Variants in C1orf21 observed in about 807,000 individuals in gnomAD.
C1orf21 encodes the protein chromosome 1 open reading frame 21, also known as uncharacterized protein C1orf21.
In C1orf21, 3 loss-of-function variants were observed where a neutral mutation model predicts 18.7. The observed-to-expected ratio is 0.16, with a 90% CI of 0.07 to 0.42. The LOEUF is 0.42. C1orf21 is among the 10% of genes least tolerant of loss of function. C1orf21 has a pLI of 0.99. For synonymous variants in C1orf21, 41 were observed against 46.4 expected, an observed-to-expected ratio of 0.88 and a Z score of 0.47; for missense variants, 104 against 143.6, an observed-to-expected ratio of 0.72 and a Z score of 1.41.
intron 1 of C1orf21, among the ~76,000 whole-genome samples, chr1:184,454,200 C>T (rs1247746209): frequency 6.6e-6 from 1 of 152,024 alleles, no homozygotes; most frequent in Non-Finnish European, 1.5e-5. Context: ...TCAAGTTTTG[C>T]TATATTTTAT....
At chr1:184,431,033 A>G (rs1656752915) in intron 1 of C1orf21, among the ~76,000 whole-genome samples, 1 of 152,032 alleles carries the variant, frequency 6.6e-6, no homozygotes, top group Non-Finnish European at 1.5e-5. Context: ...TAGGTATTTT[A>G]TTCTCTTTGT....
At position 184,468,882 on chromosome 1, in the gene C1orf21, C is replaced by T. The variant is rs181889487; in HGVS notation, c.-124-8504C>T. 4.3e-3 allele frequency among the ~76,000 whole-genome samples: 650 copies of T among 151,282 alleles called. 2 individuals are homozygous for T. Among genetic ancestry groups the T allele is most frequent in the Non-Finnish European group, 4.3e-3 (292 of 67,928 alleles). ...GCAGTGAGCCGAGATTGTGCCATTG[C>T]ACTCCAGCCTGGGCAATACAGCAAG... On this transcript the variant is annotated intron_variant, in intron 1 of 5. Transcript: ENST00000235307.
intron 3 of C1orf21, among the ~76,000 whole-genome samples, chr1:184,532,783 C>T (rs939208993): frequency 6.6e-6 from 1 of 152,112 alleles, no homozygotes; most frequent in African/African-American, 2.4e-5. Flanking sequence ...ACTCCAACTT[C>T]ACAGTTACAG....
chr1:184,471,633 C>T (rs1046203971), intron 1 of C1orf21, among the ~76,000 whole-genome samples: 1 of 152,130 alleles, frequency 6.6e-6, no homozygotes, highest in Non-Finnish European at 1.5e-5. Flanking sequence ...TTCCACTTGC[C>T]ACCTCTTCTC....
intron 5 of C1orf21, among the ~76,000 whole-genome samples, chr1:184,617,904 G>GTTTT (rs142357373): frequency 2.6e-4 from 23 of 87,466 alleles, no homozygotes; most frequent in Non-Finnish European, 4.8e-4. Context: ...TGTTGTTGTT[G>GTTTT]TTTTTTTTTT....
At chr1:184,495,825 A>G (rs1657884976) in intron 2 of C1orf21, among the ~76,000 whole-genome samples, 1 of 150,852 alleles carries the variant, frequency 6.6e-6, no homozygotes, top group Non-Finnish European at 1.5e-5. Flanking sequence ...AGACTGAGGC[A>G]GAGAATTGCT....
intron 1 of C1orf21, among the ~76,000 whole-genome samples, chr1:184,465,055 G>C (rs990329542): frequency 6.6e-6 from 1 of 152,148 alleles, no homozygotes; most frequent in Admixed American, 6.5e-5. Context: ...ACAGGAGTGA[G>C]CCACCATGCC....
intron 2 of C1orf21, among the ~76,000 whole-genome samples, chr1:184,506,109 A>C (rs1253602442): frequency 1.3e-5 from 2 of 152,168 alleles, no homozygotes; most frequent in Non-Finnish European, 2.9e-5. Flanking sequence ...TAATATATTT[A>C]GGACCTGGTA....
At chr1:184,457,059 G>T (rs1657209670) in intron 1 of C1orf21, among the ~76,000 whole-genome samples, 1 of 152,098 alleles carries the variant, frequency 6.6e-6, no homozygotes, top group South Asian at 2.1e-4. Context: ...ACTATCTCTT[G>T]CCCTATAATT....
intron 4 of C1orf21, among the ~76,000 whole-genome samples, chr1:184,596,591 C>T (rs1659516678): frequency 6.6e-6 from 1 of 152,102 alleles, no homozygotes. Context: ...GAGATCTGGC[C>T]AGGCGCAGTG....
In C1orf21 at chr1:184,417,220, C is replaced by CTTTTTTCTGTGAAAATTTT. The variant is rs1458190006; in HGVS notation, c.-125+29852_-125+29853insTTTTTTCTGTGAAAATTTT. Among the ~76,000 whole-genome samples the CTTTTTTCTGTGAAAATTTT allele has an allele frequency of 3.7e-4, 56 of 152,098 alleles. 1 individual carries two copies. The highest frequency in any genetic ancestry group is 3.6e-3 in the Admixed American group (55 of 15,260). Reference sequence around the variant, plus strand: ...AGACTCAGAGGATTACTGTCAGAGCCCTTTTCAGTGAAAAGAAAAGCTGCA... The same window carrying CTTTTTTCTGTGAAAATTTT: ...AGACTCAGAGGATTACTGTCAGAGCCTTTTTTCTGTGAAAATTTTCTTTTCAGTGAAAAGAAAAGCTGCA... On this transcript the variant is annotated intron_variant, in intron 1 of 5. Coordinates refer to ENST00000235307, the MANE Select transcript of C1orf21 (RefSeq NM_030806.4).
intron 3 of C1orf21, among the ~76,000 whole-genome samples, chr1:184,524,108 G>A (rs1270096652): frequency 6.6e-6 from 1 of 152,102 alleles, no homozygotes; most frequent in Non-Finnish European, 1.5e-5. Flanking sequence ...GATTACTATA[G>A]TAATGAGTTT....
chr1:184,490,424 G>A (rs1405675436), intron 2 of C1orf21, among the ~76,000 whole-genome samples: 1 of 152,208 alleles, frequency 6.6e-6, no homozygotes, highest in Non-Finnish European at 1.5e-5. Flanking sequence ...ATGAATACCA[G>A]CCAAAGGAAC....
chr1:184,590,434 C>T (rs969129724), intron 3 of C1orf21, among the ~76,000 whole-genome samples: 12 of 152,182 alleles, frequency 7.9e-5, no homozygotes, highest in Admixed American at 5.2e-4. Context: ...TCTCTTGATA[C>T]TAGATCTTCT....
intron 1 of C1orf21, among the ~76,000 whole-genome samples, chr1:184,439,728 A>T (rs553524641): frequency 6.6e-6 from 1 of 152,170 alleles, no homozygotes; most frequent in Non-Finnish European, 1.5e-5. Context: ...AGGCAAGAGG[A>T]TCACTTAAGT....
intron 1 of C1orf21, among the ~76,000 whole-genome samples, chr1:184,418,056 G>A (rs1362551466): frequency 6.6e-6 from 1 of 152,188 alleles, no homozygotes; most frequent in Non-Finnish European, 1.5e-5. Flanking sequence ...AGCCAAATAA[G>A]TGAGTGACTG....
intron 1 of C1orf21, among the ~76,000 whole-genome samples, chr1:184,454,298 G>A (rs1657163814): frequency 6.6e-6 from 1 of 152,170 alleles, no homozygotes; most frequent in Non-Finnish European, 1.5e-5. Context: ...AATAGAATCA[G>A]TAATTATAAT....
At chr1:184,533,948 G>C (rs909407272) in intron 3 of C1orf21, among the ~76,000 whole-genome samples, 1 of 152,222 alleles carries the variant, frequency 6.6e-6, no homozygotes, top group African/African-American at 2.4e-5. Context: ...ACAGAAGTTG[G>C]TTGGCAGAGT....
At chr1:184,598,210 A>G (rs1249275824) in intron 4 of C1orf21, among the ~76,000 whole-genome samples, 191 bp from the exon 5 acceptor site, 1 of 152,172 alleles carries the variant, frequency 6.6e-6, no homozygotes, top group Non-Finnish European at 1.5e-5. Context: ...AGGCACTGAT[A>G]GACAATTATG....
Sources: gnomAD v4.1 joint callset for allele counts (sites outside exome capture counted in the v4.1 genomes callset) on GRCh38, gnomAD v4.1.1 for gene constraint, MANE v1.5 for transcripts, NCBI Gene and HGNC (gene_info 2026-07-23, HGNC 2026-07-21) for gene names.